Variants in CSMD2 observed in about 807,000 individuals in gnomAD.
CSMD2 encodes CUB and sushi domain-containing protein 2.
CSMD2 carries 130 observed loss-of-function variants against 398.5 expected under a neutral mutation model. The ratio of observed to expected loss-of-function variants is 0.33; its 90% CI spans 0.28 to 0.38. The LOEUF is 0.38. CSMD2 is among the 10% of genes least tolerant of loss of function. The probability of loss-of-function intolerance (pLI) is 1.00; values close to 1 mark genes in which losing one functional copy is unlikely to be tolerated. For missense variants in CSMD2, 3,829 were observed against 4,764.9 expected (o/e 0.80, Z 5.78); for synonymous variants, 1,828 against 1,908.5 (o/e 0.96, Z 1.10).
At chr1:33,658,180 T>G in intron 26 of CSMD2, 43 bp from the exon 27 acceptor site, 1 of 1,558,176 alleles carries the variant, frequency 6.4e-7, no homozygotes, top group Non-Finnish European at 8.8e-7. Flanking sequence ...CGCCTGGGTG[T>G]CTGCCACTCA....
rs201996382 is a variant in CSMD2, at chr1:33,652,400, T to C, written c.4509A>G (p.Glu1503=). 34 of 1,613,982 alleles carry C rather than the reference T, an allele frequency of 2.1e-5. No homozygotes were observed. The East Asian group carries it at 7.1e-4, about 34-fold the overall frequency. Residue 1503 remains glutamate (E), a synonymous_variant, in exon 28 of 71, where the codon GAA becomes GAG. Coordinates refer to ENST00000373381, the MANE Select transcript of CSMD2 (RefSeq NM_001281956.2). ...SGVILSPNYP[E]PYPPGKECDW... is the part of the protein sequence containing the mutation. ...CACACTCCTTGCCTGGCGGGTAGGG[T>C]TCTGGGTAATTTGGTGAGAGGATGA...
chr1:33,665,896 C>T (rs953560061), intron 25 of CSMD2, among the ~76,000 whole-genome samples: 1 of 152,180 alleles, frequency 6.6e-6, no homozygotes, highest in Non-Finnish European at 1.5e-5. Flanking sequence ...GTAGACTATG[C>T]TTCTCCCTAA....
chr1:34,021,976 T>C (rs1461464547), intron 3 of CSMD2, among the ~76,000 whole-genome samples: 1 of 152,222 alleles, frequency 6.6e-6, no homozygotes, highest in East Asian at 1.9e-4. Context: ...GCAGCATTTT[T>C]TTCTTTCTTA....
intron 22 of CSMD2, 29 bp from the exon 23 acceptor site, chr1:33,700,702 T>C (rs1365582677): frequency 6.2e-7 from 1 of 1,613,208 alleles, no homozygotes; most frequent in Admixed American, 1.7e-5. Context: ...CCCAACCCAA[T>C]GTCGTCAGCA....
intron 9 of CSMD2, among the ~76,000 whole-genome samples, chr1:33,813,518 T>C (rs1414925274): frequency 1.3e-5 from 2 of 152,176 alleles, no homozygotes; most frequent in Non-Finnish European, 1.5e-5. Flanking sequence ...TTTGCCTTTT[T>C]CCCTGAAATG....
intron 22 of CSMD2, among the ~76,000 whole-genome samples, chr1:33,707,694 C>T (rs1212715646): frequency 1.8e-4 from 6 of 33,448 alleles, no homozygotes; most frequent in East Asian, 2.4e-3. Flanking sequence ...CGCGCGCGCG[C>T]GCACACACAC....
intron 68 of CSMD2, 110 bp downstream of exon 68, chr1:33,521,353 A>T (rs936173561): frequency 1.1e-5 from 8 of 754,738 alleles, no homozygotes; most frequent in Non-Finnish European, 1.9e-5. Context: ...AGGCCAAAGC[A>T]CCCCCGCCTC....
At chr1:33,631,728 C>T (rs1269548746) in intron 32 of CSMD2, among the ~76,000 whole-genome samples, 4 of 152,084 alleles carry the variant, frequency 2.6e-5, no homozygotes, top group Non-Finnish European at 5.9e-5. Context: ...TATTGTATTC[C>T]TGGATGGGAA....
intron 28 of CSMD2, among the ~76,000 whole-genome samples, chr1:33,650,491 G>A (rs751328292): frequency 2.0e-5 from 3 of 151,674 alleles, no homozygotes; most frequent in Admixed American, 6.6e-5. Flanking sequence ...GAAAGAATCC[G>A]TGAGGCCCTG....
chr1:33,925,699 T>G (rs1644104395), intron 4 of CSMD2, among the ~76,000 whole-genome samples: 1 of 152,084 alleles, frequency 6.6e-6, no homozygotes, highest in South Asian at 2.1e-4. Flanking sequence ...TACACCACTC[T>G]CTCTGTTGGA....
intron 3 of CSMD2, among the ~76,000 whole-genome samples, chr1:33,943,641 T>C (rs1236687473): frequency 6.6e-6 from 1 of 152,180 alleles, no homozygotes; most frequent in African/African-American, 2.4e-5. Flanking sequence ...TCCTTGCGCT[T>C]CAATTCCTGC....
intron 3 of CSMD2, among the ~76,000 whole-genome samples, chr1:34,020,646 AAC>A (rs1365714780): frequency 6.6e-6 from 1 of 152,172 alleles, no homozygotes; most frequent in East Asian, 1.9e-4. Flanking sequence ...TGGGCTTTGG[AAC>A]CAGACTGATT....
At chr1:34,156,954 C>G (rs1640866141) in intron 1 of CSMD2, among the ~76,000 whole-genome samples, 2 of 152,156 alleles carry the variant, frequency 1.3e-5, no homozygotes, top group Non-Finnish European at 2.9e-5. Flanking sequence ...AACCCCTACT[C>G]CATCCTCGGC....
chr1:33,707,164 A>G (rs1645815027), intron 22 of CSMD2, among the ~76,000 whole-genome samples: 1 of 152,210 alleles, frequency 6.6e-6, no homozygotes, highest in Non-Finnish European at 1.5e-5. Flanking sequence ...GGCACTGGCC[A>G]TACTCCATAT....
intron 9 of CSMD2, among the ~76,000 whole-genome samples, chr1:33,812,187 G>C (rs1423315726): frequency 2.0e-5 from 3 of 152,142 alleles, no homozygotes; most frequent in Non-Finnish European, 4.4e-5. Flanking sequence ...GGAGAAAAAA[G>C]TGTCTGACAT....
rs377463443 is a variant in CSMD2, at chr1:33,864,472, G to A, written c.921-17476C>T. The A allele has an allele frequency of 2.2e-5, 36 of 1,613,442 alleles. No individual in the cohort carries two copies. The African/African-American group carries it at 4.5e-4, about 20-fold the overall frequency. On this transcript the variant is annotated intron_variant, in intron 5 of 70. Transcript: ENST00000373381. The stretch of plus-strand genomic sequence containing the variant: ...AGAAAGCGGGATCCCCAGGAACCCA[G>A]ACGGCCTCCATCATCCTTCCTACTC...
At chr1:33,987,020 A>G (rs1646382092) in intron 3 of CSMD2, among the ~76,000 whole-genome samples, 1 of 152,092 alleles carries the variant, frequency 6.6e-6, no homozygotes, top group Non-Finnish European at 1.5e-5. Flanking sequence ...GGCCGATGGC[A>G]CAGCAGGGAT....
rs904915150 is a variant in CSMD2, at chr1:33,635,074, C to T, written c.5086+140G>A. 13 of 605,514 alleles carry T rather than the reference C, an allele frequency of 2.1e-5. No homozygotes were observed. The highest frequency in any genetic ancestry group is 5.9e-5 in the East Asian group (2 of 33,742). The allele number at this position is 605,514 out of a possible 1,614,324, so 37.5% of individuals were successfully genotyped here. On this transcript the variant is annotated intron_variant, in intron 31 of 70. Coordinates refer to ENST00000373381, the MANE Select transcript of CSMD2 (RefSeq NM_001281956.2). This position sits in a 1 kb window ranked among gnomAD's most constrained non-coding sequence, Gnocchi z 5.0. ...AGCCCGTTTGAGAAACGTCAGCACT[C>T]GGCCGTCCTTTTGGGGAGACTGTTC...
chr1:34,147,841 G>T (rs982103964), intron 1 of CSMD2, among the ~76,000 whole-genome samples: 2 of 152,172 alleles, frequency 1.3e-5, no homozygotes, highest in African/African-American at 2.4e-5. Context: ...TCAGCAGCAA[G>T]GCTCACGCAG....
Sources: gnomAD v4.1 joint callset for allele counts (sites outside exome capture counted in the v4.1 genomes callset) on GRCh38, gnomAD v4.1.1 for gene constraint, Gnocchi (gnomAD v3.1) non-coding constraint, MANE v1.5 for transcripts, NCBI Gene and HGNC (gene_info 2026-07-23, HGNC 2026-07-21) for gene names.